Variants in TRPM7 observed in about 807,000 individuals in gnomAD.
TRPM7 encodes the protein LTRPC ion channel family member 7.
Under a neutral mutation model 229.7 loss-of-function variants are expected in TRPM7, and 134 were observed. The ratio of observed to expected loss-of-function variants is 0.58; its 90% CI spans 0.51 to 0.67. TRPM7 has a LOEUF of 0.67. Among genes scored for constraint, TRPM7 ranks in the 30% least tolerant of loss-of-function variants. TRPM7 has a pLI of 0.00. For missense variants in TRPM7, 1,901 were observed against 2,210.0 expected, an observed-to-expected ratio of 0.86 and a Z score of 2.80; for synonymous variants, 699 against 715.2, an observed-to-expected ratio of 0.98 and a Z score of 0.36.
intron 3 of TRPM7, among the ~76,000 whole-genome samples, chr15:50,651,652 AATTAAAGAAAAG>A (rs1357830800): frequency 1.8e-4 from 28 of 152,190 alleles, no homozygotes; most frequent in Non-Finnish European, 2.4e-4. Context: ...TTAAAGAAAA[AATTAAAGAAAAG>A]AAGACTGTGG....
rs1159706788 is a variant in TRPM7 at position 50,560,396 on chromosome 15, A to T, written c.*1282T>A. ...CACTTTTTCTTTCTCCCCACCCCCA[A>T]TCAATATTAAACACTATTTAAACAG... is the stretch of plus-strand genomic sequence containing the variant. On this transcript the variant is annotated 3_prime_UTR_variant, in exon 39 of 39. Coordinates refer to ENST00000646667, the MANE Select transcript of TRPM7 (RefSeq NM_017672.6). The T allele has an allele frequency of 6.6e-6, 1 of 152,546 alleles. No individual in the cohort carries two copies. The highest frequency in any genetic ancestry group is 1.5e-5 in the Non-Finnish European group (1 of 67,992). 9.4% of individuals were successfully genotyped at this position (152,546 alleles called of 1,614,324 possible).
intron 4 of TRPM7, 68 bp from the exon 5 acceptor site, chr15:50,643,621 TG>T: frequency 1.5e-6 from 2 of 1,336,726 alleles, no homozygotes; most frequent in Non-Finnish European, 2.1e-6. Flanking sequence ...TGACATTATA[TG>T]ACTTTGGAAA....
In TRPM7 at chr15:50,686,385, A is replaced by G. The variant is rs902558054; in HGVS notation, c.3+146T>C. 1.9e-5 allele frequency: 26 copies of G among 1,369,120 alleles called. 1 individual carries two copies. The African/African-American group carries it at 3.6e-4, about 19-fold the overall frequency. 84.8% of individuals were successfully genotyped at this position (1,369,120 alleles called of 1,614,324 possible). On this transcript the variant is annotated intron_variant, in intron 1 of 38. Transcript: ENST00000646667. The stretch of plus-strand genomic sequence containing the variant: ...CAGAACGAACTGCACACCCGTCCCG[A>G]GAGGACAAATCCGGAAGCCTCAAGG...
At chr15:50,627,135 G>C (rs1327273178) in intron 11 of TRPM7, among the ~76,000 whole-genome samples, 1 of 152,130 alleles carries the variant, frequency 6.6e-6, no homozygotes, top group African/African-American at 2.4e-5. Context: ...AAAACTTTAA[G>C]TGATTACTAC....
At position 50,608,042 on chromosome 15, in the gene TRPM7, G is replaced by A. The variant is rs530321594; in HGVS notation, c.2581-714C>T. On this transcript the variant is annotated intron_variant, in intron 19 of 38. Transcript: ENST00000646667. ...TGTACTCTAGCCTGGGCAACAGAGC[G>A]AGACTCTGTCAAAAAAAAAAAAAAA... Among the ~76,000 whole-genome samples the A allele has an allele frequency of 5.7e-5, 7 of 123,378 alleles. No individual in the cohort carries two copies. In the East Asian group the frequency reaches 7.3e-4, roughly 13 times the overall value. The allele number at this position is 123,378 out of a possible 152,430, so 80.9% of individuals were successfully genotyped here.
At chr15:50,627,084 C>T (rs1446099226) in intron 11 of TRPM7, among the ~76,000 whole-genome samples, 1 of 151,978 alleles carries the variant, frequency 6.6e-6, no homozygotes, top group African/African-American at 2.4e-5. Context: ...TACAGATGAA[C>T]AGTTAATCTG....
chr15:50,634,105 G>A (rs1424883847), intron 8 of TRPM7, among the ~76,000 whole-genome samples: 1 of 151,900 alleles, frequency 6.6e-6, no homozygotes, highest in Non-Finnish European at 1.5e-5. Context: ...GATCACTTGA[G>A]GTCAGGAGTT....
chr15:50,624,572 A>G (rs1278151048), intron 11 of TRPM7, among the ~76,000 whole-genome samples: 1 of 152,200 alleles, frequency 6.6e-6, no homozygotes, highest in East Asian at 1.9e-4. Context: ...AACAGAATCC[A>G]TCATCAATTA....
intron 1 of TRPM7, among the ~76,000 whole-genome samples, chr15:50,680,248 T>C (rs528954833): frequency 6.6e-6 from 1 of 150,650 alleles, no homozygotes; most frequent in Non-Finnish European, 1.5e-5. Flanking sequence ...AATATAAAAA[T>C]AAAAATAAAA....
chr15:50,669,446 GA>G (rs200062879), intron 1 of TRPM7, among the ~76,000 whole-genome samples: 1 of 148,540 alleles, frequency 6.7e-6, no homozygotes, highest in Non-Finnish European at 1.5e-5. Flanking sequence ...AAAAGAAAAG[GA>G]AAAAAAAAAT....
chr15:50,620,628 CTTTTTACAATA>C (rs2060367466), intron 12 of TRPM7, among the ~76,000 whole-genome samples: 1 of 152,132 alleles, frequency 6.6e-6, no homozygotes, highest in African/African-American at 2.4e-5. Flanking sequence ...GCTCTGCCTT[CTTTTTACAATA>C]TTTATTTAGG....
intron 13 of TRPM7, among the ~76,000 whole-genome samples, chr15:50,618,647 G>A (rs1180732679): frequency 1.3e-5 from 2 of 151,786 alleles, no homozygotes; most frequent in African/African-American, 4.8e-5. Context: ...TATATTTAGG[G>A]GGTACAAGTA....
chr15:50,676,579 A>G (rs998961591), intron 1 of TRPM7, among the ~76,000 whole-genome samples: 2 of 151,974 alleles, frequency 1.3e-5, no homozygotes, highest in African/African-American at 4.8e-5. Flanking sequence ...TTTTTAATAA[A>G]AAGATAAAAA....
At chr15:50,630,212 G>A (rs776892660) in intron 10 of TRPM7, among the ~76,000 whole-genome samples, 2 of 150,954 alleles carry the variant, frequency 1.3e-5, no homozygotes, top group East Asian at 3.9e-4. Context: ...TTCCTTTTTG[G>A]TTTCTAGGTT....
chr15:50,578,568 TGTG>T (rs934375261), intron 31 of TRPM7, 68 bp downstream of exon 31: 44 of 1,439,062 alleles, frequency 3.1e-5, no homozygotes, highest in Admixed American at 3.5e-5. Context: ...CCTAGAATAA[TGTG>T]GTGTTTGCTG....
At chr15:50,578,485 T>C in intron 31 of TRPM7, 154 bp downstream of exon 31, 1 of 489,568 alleles carries the variant, frequency 2.0e-6, no homozygotes, top group South Asian at 4.8e-5. Flanking sequence ...ACATCTACAG[T>C]AAGGAGAAAG....
chr15:50,677,326 T>C (rs2062114665), intron 1 of TRPM7, among the ~76,000 whole-genome samples: 1 of 151,884 alleles, frequency 6.6e-6, no homozygotes, highest in African/African-American at 2.4e-5. Flanking sequence ...AGTTCTCATC[T>C]CCAAATACCA....
chr15:50,625,128 A>C (rs1459689553), intron 11 of TRPM7, among the ~76,000 whole-genome samples: 1 of 152,192 alleles, frequency 6.6e-6, no homozygotes. Flanking sequence ...TATTTCACTG[A>C]GTTTTATTAA....
chr15:50,672,820 G>C (rs1246348673), intron 1 of TRPM7, among the ~76,000 whole-genome samples: 2 of 129,328 alleles, frequency 1.5e-5, no homozygotes, highest in Non-Finnish European at 3.1e-5. Flanking sequence ...TGAGGCAGGA[G>C]AATCGCTTGA....
Sources: gnomAD v4.1 joint callset for allele counts (sites outside exome capture counted in the v4.1 genomes callset) on GRCh38, gnomAD v4.1.1 for gene constraint, MANE v1.5 for transcripts, NCBI Gene and HGNC (gene_info 2026-07-23, HGNC 2026-07-21) for gene names.